The following CCDC107 variants were observed in gnomAD, a reference collection of about 807,000 sequenced individuals.
CCDC107 encodes coiled-coil domain containing 107.
In CCDC107, 17 loss-of-function variants were observed where a neutral mutation model predicts 17.9. The observed-to-expected ratio is 0.95, with a 90% CI of 0.65 to 1.42. The LOEUF (loss-of-function observed/expected upper bound fraction) is 1.42. Among genes scored for constraint, CCDC107 ranks in the 40% most tolerant of loss-of-function variants. The probability of loss-of-function intolerance (pLI) is 0.00; values close to 1 mark genes in which losing one functional copy is unlikely to be tolerated. For missense variants in CCDC107, 388 were observed against 360.1 expected (o/e 1.08, Z -0.63); for synonymous variants, 170 against 157.2 (o/e 1.08, Z -0.61).
rs772268832 is a variant in CCDC107 at position 35,658,702 on chromosome 9, C to G, written c.233C>G (p.Ala78Gly). ...GCGCTGTACACCGCGGCCGTCGCGGCTTTTGTGCTGTACAAGTGTTTGCAG... is the reference window on the plus strand; with the variant it reads ...GCGCTGTACACCGCGGCCGTCGCGGGTTTTGTGCTGTACAAGTGTTTGCAG... Reference protein sequence around the residue: ...LGALYTAAVAAFVLYKCLQGK... With the variant: ...LGALYTAAVAGFVLYKCLQGK... The change falls in exon 2 of 5, where the codon GCT becomes GGT. Residue 78 changes from alanine (A) to glycine (G), a missense_variant. Transcript: ENST00000426546. 3.8e-6 allele frequency: 6 copies of G among 1,564,904 alleles called. No individual in the cohort carries two copies. The highest frequency in any genetic ancestry group is 5.2e-6 in the Non-Finnish European group (6 of 1,161,612).
Sources: gnomAD v4.1 joint callset for allele counts on GRCh38, gnomAD v4.1.1 for gene constraint, MANE v1.5 for transcripts, NCBI Gene and HGNC (gene_info 2026-07-23, HGNC 2026-07-21) for gene names.